Variants in PTPRD observed in about 807,000 individuals in gnomAD.
PTPRD encodes protein tyrosine phosphatase receptor type D, also known as receptor-type tyrosine-protein phosphatase delta.
PTPRD carries 34 observed loss-of-function variants against 214.5 expected under a neutral mutation model. That is an observed-to-expected ratio of 0.16 (90% confidence interval 0.12 to 0.21). The LOEUF is 0.21. PTPRD is among the 10% of genes least tolerant of loss of function. The pLI is 1.00. For missense variants in PTPRD, 2,545 were observed against 2,398.7 expected (o/e 1.06, Z -1.27); for synonymous variants, 1,128 against 845.7 (o/e 1.33, Z -5.79).
chr9:8,761,062 G>T (rs7871611), intron 11 of PTPRD, among the ~76,000 whole-genome samples: 7,020 of 152,232 alleles, frequency 0.046, 400 homozygotes, highest in African/African-American at 0.13. Context: ...CATCTCATGT[G>T]TCAGCAGATG....
intron 11 of PTPRD, among the ~76,000 whole-genome samples, chr9:8,984,896 C>CACTA (rs1382847562): frequency 6.6e-6 from 1 of 151,938 alleles, no homozygotes; most frequent in African/African-American, 2.4e-5. Context: ...CCATGGAGTA[C>CACTA]ACTAAGTCAC....
chr9:9,500,334 A>T (rs574738648), intron 8 of PTPRD, among the ~76,000 whole-genome samples: 3 of 152,252 alleles, frequency 2.0e-5, no homozygotes, highest in African/African-American at 7.2e-5. Flanking sequence ...GACGATATGC[A>T]TTCCAGGGTA....
chr9:9,918,233 A>C (rs1157150292), intron 5 of PTPRD, among the ~76,000 whole-genome samples: 1 of 151,896 alleles, frequency 6.6e-6, no homozygotes, highest in Admixed American at 6.6e-5. Context: ...ATGAAAATTA[A>C]GTCACATTTC....
rs527668093 is a variant in PTPRD, at chr9:10,117,429, C to T, written c.-544-83639G>A. Among the ~76,000 whole-genome samples the T allele has an allele frequency of 6.6e-5, 10 of 152,176 alleles. 1 individual carries two copies. Among genetic ancestry groups the T allele is most frequent in the African/African-American group, 1.9e-4 (8 of 41,546 alleles). On this transcript the variant is annotated intron_variant, in intron 3 of 45. Coordinates refer to ENST00000381196, the MANE Select transcript of PTPRD (RefSeq NM_002839.4). ...CTTACAAAAACAAGAAAAATTTATT[C>T]TGTCACAGTTCTGGAGGCTAGAAGT...
At chr9:8,738,299 G>GT (rs1311138034) in intron 11 of PTPRD, among the ~76,000 whole-genome samples, 14 of 152,228 alleles carry the variant, frequency 9.2e-5, no homozygotes, top group African/African-American at 3.1e-4. Context: ...ACTTACCATT[G>GT]TAACACTTTT....
chr9:9,758,657 C>A (rs1391373656), intron 6 of PTPRD, among the ~76,000 whole-genome samples: 1 of 144,940 alleles, frequency 6.9e-6, no homozygotes, highest in Non-Finnish European at 1.6e-5. Context: ...CTTGCCCCAA[C>A]CAAGACAGAC....
At chr9:10,162,761 A>C (rs921071094) in intron 3 of PTPRD, among the ~76,000 whole-genome samples, 1 of 147,950 alleles carries the variant, frequency 6.8e-6, no homozygotes, top group Admixed American at 6.8e-5. Context: ...ATATATATAA[A>C]TATATATGGA....
At chr9:9,635,272 G>A (rs2095724453) in intron 7 of PTPRD, among the ~76,000 whole-genome samples, 1 of 152,164 alleles carries the variant, frequency 6.6e-6, no homozygotes, top group East Asian at 1.9e-4. Flanking sequence ...CATACTGTGT[G>A]TTACTTTTTG....
chr9:10,159,844 A>C (rs953176691), intron 3 of PTPRD, among the ~76,000 whole-genome samples: 3 of 152,058 alleles, frequency 2.0e-5, no homozygotes, highest in Non-Finnish European at 4.4e-5. Context: ...TAAGGAAAGT[A>C]AGCTACCAGA....
At chr9:8,576,722 A>C (rs1277187546) in intron 14 of PTPRD, among the ~76,000 whole-genome samples, 1 of 151,966 alleles carries the variant, frequency 6.6e-6, no homozygotes, top group Non-Finnish European at 1.5e-5. Context: ...AGCAAAATTC[A>C]ACAGAGCCAA....
intron 3 of PTPRD, among the ~76,000 whole-genome samples, chr9:10,129,150 G>A (rs185112380): frequency 6.0e-4 from 91 of 152,196 alleles, no homozygotes; most frequent in African/African-American, 1.8e-3. Context: ...CTTCTTGTTT[G>A]TGTATGAATT....
At chr9:9,289,023 T>C (rs1429737896) in intron 9 of PTPRD, among the ~76,000 whole-genome samples, 2 of 151,886 alleles carry the variant, frequency 1.3e-5, no homozygotes, top group African/African-American at 4.8e-5. Flanking sequence ...TCTTTATAAA[T>C]TATCCAGTTT....
At chr9:9,822,638 T>A (rs1235704083) in intron 5 of PTPRD, among the ~76,000 whole-genome samples, 1 of 151,786 alleles carries the variant, frequency 6.6e-6, no homozygotes, top group Non-Finnish European at 1.5e-5. Context: ...TTCTGGCTTA[T>A]TAAATATTTT....
At chr9:9,380,449 A>C (rs1231559327) in intron 9 of PTPRD, among the ~76,000 whole-genome samples, 3 of 152,130 alleles carry the variant, frequency 2.0e-5, no homozygotes, top group Admixed American at 6.6e-5. Flanking sequence ...ACAGGCATGC[A>C]ATGTGAAATA....
At chr9:8,484,433 A>G (rs572678353) in intron 29 of PTPRD, 55 bp from the exon 30 acceptor site, 33 of 1,545,466 alleles carry the variant, frequency 2.1e-5, no homozygotes, top group African/African-American at 1.1e-4. Context: ...GGCAAAATAT[A>G]TTTTCTAAAC....
intron 3 of PTPRD, among the ~76,000 whole-genome samples, chr9:10,072,116 C>T (rs1204433636): frequency 6.6e-6 from 1 of 151,724 alleles, no homozygotes; most frequent in Non-Finnish European, 1.5e-5. Context: ...TAATAATATA[C>T]TTGTATATGA....
chr9:10,126,365 T>C (rs2098819268), intron 3 of PTPRD, among the ~76,000 whole-genome samples: 1 of 151,934 alleles, frequency 6.6e-6, no homozygotes, highest in Non-Finnish European at 1.5e-5. Flanking sequence ...TCACAGTCTT[T>C]TACTCATTTT....
intron 11 of PTPRD, among the ~76,000 whole-genome samples, chr9:8,843,164 C>T (rs1363685971): frequency 2.0e-5 from 3 of 152,154 alleles, no homozygotes; most frequent in Non-Finnish European, 4.4e-5. Flanking sequence ...CCTGGGAAAT[C>T]TGAGAGGAAA....
intron 9 of PTPRD, among the ~76,000 whole-genome samples, chr9:9,195,233 T>C (rs2099937813): frequency 6.6e-6 from 1 of 151,842 alleles, no homozygotes; most frequent in South Asian, 2.1e-4. Context: ...TAAAAAAAGG[T>C]AACTTATGTG....
Sources: gnomAD v4.1 joint callset for allele counts (sites outside exome capture counted in the v4.1 genomes callset) on GRCh38, gnomAD v4.1.1 for gene constraint, MANE v1.5 for transcripts, NCBI Gene and HGNC (gene_info 2026-07-23, HGNC 2026-07-21) for gene names.